The following EPHA5 variants were observed in gnomAD, a reference collection of about 807,000 sequenced individuals.
The protein encoded by EPHA5 is ephrin type-A receptor 5.
EPHA5 carries 60 observed loss-of-function variants against 105.0 expected under a neutral mutation model. The observed-to-expected ratio is 0.57, with a 90% confidence interval of 0.46 to 0.71. The LOEUF (loss-of-function observed/expected upper bound fraction) is 0.71, where lower values mean the gene tolerates loss of function less well. Ranked by LOEUF, EPHA5 falls within the 30% of genes least tolerant of loss-of-function variation. The pLI is 0.00. For synonymous variants in EPHA5, 513 were observed against 449.1 expected, an observed-to-expected ratio of 1.14 and a Z score of -1.80; for missense variants, 1,218 against 1,274.7, an observed-to-expected ratio of 0.96 and a Z score of 0.68.
intron 2 of EPHA5, among the ~76,000 whole-genome samples, chr4:65,637,087 A>T (rs866822634): frequency 3.3e-5 from 5 of 152,094 alleles, no homozygotes; most frequent in Admixed American, 6.6e-5. Context: ...ACACACACAA[A>T]CACACACAAA....
intron 8 of EPHA5, 49 bp downstream of exon 8, chr4:65,404,325 G>A (rs918282636): frequency 1.3e-6 from 2 of 1,503,878 alleles, no homozygotes; most frequent in Non-Finnish European, 1.8e-6. Context: ...AGATCAAGGT[G>A]AGGAAGAGAT....
chr4:65,596,022 C>T (rs1743143908), intron 3 of EPHA5, among the ~76,000 whole-genome samples: 2 of 152,172 alleles, frequency 1.3e-5, no homozygotes, highest in Admixed American at 1.3e-4. Flanking sequence ...TGTGGTTAAA[C>T]TACTAGGGCA....
chr4:65,601,640 C>A lies in EPHA5; in HGVS notation c.910+1G>T. ...CTGCAGATCTGGAGGCAAACTCTTA[C>A]CTTGACAGGTGCCATTTTTCTCTTC... On this transcript the variant is annotated splice_donor_variant, in intron 3 of 16. Coordinates refer to ENST00000613740, the MANE Select transcript of EPHA5 (RefSeq NM_001281766.3). LOFTEE classifies it high-confidence loss of function. The A allele has an allele frequency of 6.2e-7, 1 of 1,612,006 alleles. No homozygotes were observed. Among genetic ancestry groups the A allele is most frequent in the Non-Finnish European group, 8.5e-7 (1 of 1,178,430 alleles).
chr4:65,406,717 T>C (rs1722394045), intron 7 of EPHA5, among the ~76,000 whole-genome samples: 1 of 152,156 alleles, frequency 6.6e-6, no homozygotes, highest in Admixed American at 6.5e-5. Flanking sequence ...AAGAATCCTT[T>C]CATTTTTTTA....
At chr4:65,435,257 A>G (rs1468528352) in intron 5 of EPHA5, among the ~76,000 whole-genome samples, 1 of 152,118 alleles carries the variant, frequency 6.6e-6, no homozygotes, top group Non-Finnish European at 1.5e-5. Flanking sequence ...GGATCAGTCC[A>G]TGATTTGTAT....
chr4:65,343,007 T>C (rs958993993), intron 14 of EPHA5, among the ~76,000 whole-genome samples: 2 of 151,998 alleles, frequency 1.3e-5, no homozygotes, highest in African/African-American at 2.4e-5. Flanking sequence ...ATCCTTCCAA[T>C]ATAAGAAGAT....
At chr4:65,651,801 T>G (rs1329855510) in intron 1 of EPHA5, among the ~76,000 whole-genome samples, 2 of 152,174 alleles carry the variant, frequency 1.3e-5, no homozygotes, top group East Asian at 3.9e-4. Flanking sequence ...CCAAGTGTTT[T>G]GAATTGTTAA....
chr4:65,348,602 T>C (rs910019105), intron 13 of EPHA5, among the ~76,000 whole-genome samples: 10 of 146,814 alleles, frequency 6.8e-5, no homozygotes, highest in African/African-American at 2.5e-4. Flanking sequence ...AAATTATAGG[T>C]TGATGAATGT....
rs543352990 is a variant in EPHA5, at chr4:65,524,010, C to T, written c.911-28467G>A. ...AATTCAAAACAATGAACTAGAAGAA[C>T]GACTTGGTCTCTCCTTCCAAGCAGT... is the stretch of plus-strand genomic sequence containing the variant. On this transcript the variant is annotated intron_variant, in intron 3 of 16. Transcript: ENST00000613740. Among the ~76,000 whole-genome samples the T allele has an allele frequency of 3.3e-5, 5 of 151,958 alleles. No individual in the cohort carries two copies. In the East Asian group the frequency reaches 5.8e-4, roughly 18 times the overall value.
At position 65,348,220 on chromosome 4, in the gene EPHA5, T is replaced by C. The variant is rs1191637797; in HGVS notation, c.2446-17A>G. 12 of 1,605,900 alleles carry C rather than the reference T, an allele frequency of 7.5e-6. No homozygotes were observed. In the African/African-American group the frequency reaches 9.4e-5, roughly 13 times the overall value. On this transcript the variant is annotated splice_polypyrimidine_tract_variant and intron_variant, in intron 13 of 16. Transcript: ENST00000613740. ...TTTTCCTCCCTAAAATTGAAAAAGA[T>C]TTAAAAAACTTCCTACATACTTCAA...
intron 7 of EPHA5, among the ~76,000 whole-genome samples, chr4:65,412,430 G>T (rs1722998585): frequency 6.6e-6 from 1 of 151,922 alleles, no homozygotes; most frequent in Admixed American, 6.6e-5. Flanking sequence ...ATTATATTCA[G>T]AAAATATTAT....
chr4:65,492,130 T>C (rs13136937), intron 4 of EPHA5, among the ~76,000 whole-genome samples: 2,899 of 152,270 alleles, frequency 0.019, 51 homozygotes, highest in Non-Finnish European at 0.032. Context: ...TATTAAGTCA[T>C]GACTTTTGAG....
chr4:65,656,931 G>C (rs1578708502), intron 1 of EPHA5, among the ~76,000 whole-genome samples: 1 of 144,272 alleles, frequency 6.9e-6, no homozygotes, highest in Admixed American at 7.3e-5. Flanking sequence ...TATTATTTTA[G>C]AGTAAATGAA....
chr4:65,546,199 G>A (rs1210155524), intron 3 of EPHA5, among the ~76,000 whole-genome samples: 4 of 151,976 alleles, frequency 2.6e-5, no homozygotes, highest in Admixed American at 2.6e-4. Context: ...GGCAGTGAGA[G>A]TCTGGCAGCA....
chr4:65,520,840 A>G lies in EPHA5; in HGVS notation c.911-25297T>C, dbSNP rs200055636. On this transcript the variant is annotated intron_variant, in intron 3 of 16. Transcript: ENST00000613740. Reference sequence around the variant, plus strand: ...CCACAATGAGATACCATCTCACACTAGTTAGAATTGCAATCATTAAAAAGT... The same window carrying G: ...CCACAATGAGATACCATCTCACACTGGTTAGAATTGCAATCATTAAAAAGT... 3.3e-5 allele frequency among the ~76,000 whole-genome samples: 5 copies of G among 152,310 alleles called. No individual in the cohort carries two copies. In the East Asian group the frequency reaches 7.7e-4, roughly 24 times the overall value.
chr4:65,590,074 A>G (rs1012221878), intron 3 of EPHA5, among the ~76,000 whole-genome samples: 1 of 152,204 alleles, frequency 6.6e-6, no homozygotes, highest in Non-Finnish European at 1.5e-5. Flanking sequence ...TTCATTCTCC[A>G]TGTCTGATTC....
At chr4:65,466,054 T>C (rs1728688105) in intron 5 of EPHA5, among the ~76,000 whole-genome samples, 1 of 152,230 alleles carries the variant, frequency 6.6e-6, no homozygotes, top group South Asian at 2.1e-4. Flanking sequence ...TAATATGTGC[T>C]GTGACAAGAA....
At chr4:65,482,559 A>G (rs1479547863) in intron 5 of EPHA5, among the ~76,000 whole-genome samples, 2 of 152,156 alleles carry the variant, frequency 1.3e-5, no homozygotes, top group Non-Finnish European at 2.9e-5. Context: ...CAGGATATGA[A>G]TGGTAAAAAA....
chr4:65,482,154 C>T (rs12501130), intron 5 of EPHA5, among the ~76,000 whole-genome samples: 31,627 of 151,678 alleles, frequency 0.21, 4,101 homozygotes, highest in Middle Eastern at 0.35. Context: ...AAATATTAGC[C>T]GGGCCTTGTG....
Sources: allele counts gnomAD v4.1 joint callset (sites outside exome capture counted in the v4.1 genomes callset), GRCh38; gene constraint gnomAD v4.1.1; transcripts MANE v1.5; gene names NCBI Gene and HGNC (gene_info 2026-07-23, HGNC 2026-07-21).